Variants in SGK2 observed in about 807,000 individuals in gnomAD.
SGK2 encodes the protein serine/threonine-protein kinase Sgk2.
SGK2 carries 36 observed loss-of-function variants against 47.5 expected under a neutral mutation model. The observed-to-expected ratio is 0.76, with a 90% CI of 0.58 to 1.00. The LOEUF is 1.00. SGK2 is among the 50% of genes least tolerant of loss of function. The pLI is 0.00. For synonymous variants in SGK2, 157 were observed against 181.9 expected (o/e 0.86, Z 1.10); for missense variants, 404 against 467.4 (o/e 0.86, Z 1.25).
At chr20:43,564,282 A>T (rs1274790378) in intron 1 of SGK2, among the ~76,000 whole-genome samples, 1 of 152,236 alleles carries the variant, frequency 6.6e-6, no homozygotes, top group Non-Finnish European at 1.5e-5. Flanking sequence ...GGCCAAAAGG[A>T]CCAAGTGCTC....
chr20:43,568,553 G>T (rs1439137375), intron 5 of SGK2, among the ~76,000 whole-genome samples: 2 of 152,134 alleles, frequency 1.3e-5, no homozygotes, highest in Non-Finnish European at 2.9e-5. Context: ...CACCATCTCA[G>T]CTCACTGCAA....
At chr20:43,575,363 T>C (rs1251643540) in intron 10 of SGK2, among the ~76,000 whole-genome samples, 1 of 145,166 alleles carries the variant, frequency 6.9e-6, no homozygotes, top group African/African-American at 2.6e-5. Flanking sequence ...TTCGGCAGGC[T>C]AAGGCAAGGA....
chr20:43,576,682 G>A (rs1980481469), intron 11 of SGK2, among the ~76,000 whole-genome samples: 1 of 152,262 alleles, frequency 6.6e-6, no homozygotes, highest in South Asian at 2.1e-4. Flanking sequence ...ATACACGCCT[G>A]TAATCCCAGC....
Position 43,570,722 on chromosome 20 carries a change from A to G in SGK2, c.466A>G (p.Ile156Val). Reference protein sequence around the residue: ...AIGYLHSLNIIYRDLKPENIL... With the variant: ...AIGYLHSLNIVYRDLKPENIL... Reference sequence around the variant, plus strand: ...TGGCTACCTGCACTCCCTCAACATCATTTACAGGTGAGGCCTGCCTGTGGC... The same window carrying G: ...TGGCTACCTGCACTCCCTCAACATCGTTTACAGGTGAGGCCTGCCTGTGGC... Residue 156 changes from isoleucine to valine, a missense_variant, in exon 7 of 13, where the codon ATT becomes GTT. Coordinates refer to ENST00000373100, the MANE Select transcript of SGK2 (RefSeq NM_170693.3). 2 of 1,611,084 alleles carry G rather than the reference A, an allele frequency of 1.2e-6. No individual in the cohort carries two copies. The highest frequency in any genetic ancestry group is 1.7e-6 in the Non-Finnish European group (2 of 1,177,464).
intron 1 of SGK2, among the ~76,000 whole-genome samples, chr20:43,559,728 G>C (rs1288312432): frequency 1.3e-5 from 2 of 152,174 alleles, no homozygotes; most frequent in Admixed American, 1.3e-4. Context: ...TCCAGGAAAG[G>C]CAATGAGAAC....
chr20:43,581,457 T>C (rs975281124), intron 12 of SGK2, among the ~76,000 whole-genome samples: 1 of 152,234 alleles, frequency 6.6e-6, no homozygotes, highest in African/African-American at 2.4e-5. Context: ...TTTAAGTATA[T>C]GTCTTTGCCC....
rs758702684 is a variant in SGK2, at chr20:43,576,270, T to G, written c.740T>G (p.Leu247Arg). 2.5e-6 allele frequency: 4 copies of G among 1,614,156 alleles called. 1 individual carries two copies. In the South Asian group the frequency reaches 4.4e-5, roughly 18 times the overall value. ...GTATCCCAGATGTATGAGAACATTC[T>G]GCACCAGCCGCTACAGATCCCCGGA... Reference protein sequence around the residue: ...QDVSQMYENILHQPLQIPGGR... With the variant: ...QDVSQMYENIRHQPLQIPGGR... The change falls in exon 11 of 13, where the codon CTG becomes CGG. Residue 247 changes from leucine to arginine, a missense_variant. By Grantham distance (102) the Leu-to-Arg change is moderately radical. Coordinates refer to ENST00000373100, the MANE Select transcript of SGK2 (RefSeq NM_170693.3).
intron 6 of SGK2, 105 bp from the exon 7 acceptor site, chr20:43,570,512 G>C: frequency 1.4e-6 from 1 of 698,660 alleles, no homozygotes; most frequent in Non-Finnish European, 2.5e-6. Context: ...AATGCTGCAG[G>C]TCAGAGAGGG....
chr20:43,560,478 G>T (rs866832711), intron 1 of SGK2, among the ~76,000 whole-genome samples: 1 of 146,870 alleles, frequency 6.8e-6, no homozygotes, highest in Admixed American at 6.8e-5. Flanking sequence ...CAGCCTGGGC[G>T]ACAGAGCGAG....
At chr20:43,584,760 C>G in intron 12 of SGK2, 92 bp from the exon 13 acceptor site, 1 of 977,058 alleles carries the variant, frequency 1.0e-6, no homozygotes, top group Non-Finnish European at 1.6e-6. Context: ...ATGGGGCACT[C>G]ACAGAGGCCT....
At chr20:43,583,753 G>A (rs778471717) in intron 12 of SGK2, 3 of 285,830 alleles carry the variant, frequency 1.0e-5, no homozygotes, top group Non-Finnish European at 1.6e-5. Context: ...AGCATTGCTT[G>A]AGGCCAGGAG....
At chr20:43,578,138 C>A (rs770007587) in intron 11 of SGK2, among the ~76,000 whole-genome samples, 12 of 152,162 alleles carry the variant, frequency 7.9e-5, no homozygotes, top group Non-Finnish European at 1.3e-4. Flanking sequence ...AAAAAGAAGG[C>A]CGCAATATTT....
At chr20:43,571,175 A>G (rs1980106326) in intron 8 of SGK2, 115 bp downstream of exon 8, 1 of 1,516,248 alleles carries the variant, frequency 6.6e-7, no homozygotes, top group South Asian at 1.2e-5. Context: ...ACATGTATGC[A>G]TATAGGTAGA....
chr20:43,560,583 G>A (rs1979323177), intron 1 of SGK2, among the ~76,000 whole-genome samples: 1 of 151,734 alleles, frequency 6.6e-6, no homozygotes, highest in South Asian at 2.1e-4. Flanking sequence ...TTTTTTGGCA[G>A]CTGTGCTCAC....
At chr20:43,571,128 G>A in intron 8 of SGK2, 68 bp downstream of exon 8, 2 of 1,600,748 alleles carry the variant, frequency 1.2e-6, no homozygotes, top group Middle Eastern at 1.8e-4. Flanking sequence ...TACACTATCT[G>A]ACCATGAGTC....
chr20:43,583,912 T>C (rs771745236), intron 12 of SGK2, among the ~76,000 whole-genome samples: 13 of 152,184 alleles, frequency 8.5e-5, no homozygotes, highest in Non-Finnish European at 1.6e-4. Context: ...TAGTGAGCTG[T>C]GATCATGCCA....
chr20:43,569,187 C>T (rs1290361183), intron 5 of SGK2, among the ~76,000 whole-genome samples, 198 bp from the exon 6 acceptor site: 1 of 152,118 alleles, frequency 6.6e-6, no homozygotes, highest in African/African-American at 2.4e-5. Flanking sequence ...TGAGGCTGAC[C>T]ACCCTGAGCC....
chr20:43,583,366 A>C, intron 12 of SGK2: 1 of 1,272,846 alleles, frequency 7.9e-7, no homozygotes, highest in Non-Finnish European at 1.0e-6. Flanking sequence ...ACCATTTGTG[A>C]GGTCTTCAGT....
chr20:43,582,632 C>T (rs535906018), intron 12 of SGK2, among the ~76,000 whole-genome samples: 3 of 151,502 alleles, frequency 2.0e-5, no homozygotes, highest in African/African-American at 2.4e-5. Context: ...AAGTGATCTA[C>T]CCACCACAGC....
Sources: allele counts gnomAD v4.1 joint callset (sites outside exome capture counted in the v4.1 genomes callset), GRCh38; gene constraint gnomAD v4.1.1; transcripts MANE v1.5; gene names NCBI Gene and HGNC (gene_info 2026-07-23, HGNC 2026-07-21).